CBY3: variants seen among roughly 807,000 people sequenced by gnomAD.
The protein encoded by CBY3 is chibby family member 3, also known as sperm annulus positioning complex subunit Chibby3.
In CBY3, 7 loss-of-function variants were observed where a neutral mutation model predicts 3.0. The observed-to-expected ratio is 2.32, with a 90% CI of 1.32 to 4.35. The LOEUF (loss-of-function observed/expected upper bound fraction) is 4.35, where lower values mean the gene tolerates loss of function less well. Among genes scored for constraint, CBY3 ranks in the 30% most tolerant of loss-of-function variants. The pLI is 0.00. For synonymous variants in CBY3, 170 were observed against 154.5 expected (o/e 1.10, Z -0.74); for missense variants, 400 against 336.4 (o/e 1.19, Z -1.48).
chr5:179,679,070 GC>G lies in CBY3; in HGVS notation c.241del (p.Ala81ProfsTer99), dbSNP rs35217587. 1.3e-6 allele frequency: 2 copies of G among 1,535,448 alleles called. No homozygotes were observed. The highest frequency in any genetic ancestry group is 1.7e-6 in the Non-Finnish European group (2 of 1,146,560). Reference protein sequence around the residue: ...RLWQTLQQFWADHISRPFSPR... With the variant: ...RLWQTLQQFWXDHISRPFSPR... The stretch of plus-strand genomic sequence containing the variant: ...CGAGAAGGGCCGCGAGATGTGATCG[GC>G]CCAAAACTGCTGCAGCGTCTGCCAC... On this transcript the variant is annotated frameshift_variant, in exon 2 of 2. Coordinates refer to ENST00000376974, the MANE Select transcript of CBY3 (RefSeq NM_001164444.2). LOFTEE classifies it low-confidence loss of function (END_TRUNC).
Position 179,678,783 on chromosome 5 carries a change from T to C in CBY3, c.529A>G (p.Asn177Asp). ...AGTTCCTGCTGCAGCTTCAGGTAGT[T>C]GTTCTCCTCCAGCAACACTTGGCTT... ...SKSQVLLEEN[N>D]YLKLQQELLI... Residue 177 changes from asparagine to aspartate, a missense_variant, in exon 2 of 2, where the codon AAC becomes GAC. Coordinates refer to ENST00000376974, the MANE Select transcript of CBY3 (RefSeq NM_001164444.2). 2 of 1,536,940 alleles carry C rather than the reference T, an allele frequency of 1.3e-6. No homozygotes were observed. Among genetic ancestry groups the C allele is most frequent in the Non-Finnish European group, 1.7e-6 (2 of 1,146,764 alleles).
chr5:179,679,506 G>C (rs73338109), intron 1 of CBY3, among the ~76,000 whole-genome samples: 3,779 of 152,262 alleles, frequency 0.025, 153 homozygotes, highest in African/African-American at 0.083. Flanking sequence ...CGGGAGGAGG[G>C]CCTTGTTCTG....
rs1775975512 is a variant in CBY3 at position 179,678,944 on chromosome 5, G to A, written c.368C>T (p.Pro123Leu). The change falls in exon 2 of 2, where the codon CCG becomes CTG. Residue 123 changes from proline to leucine, a missense_variant. Pro to Leu is a moderately conservative substitution (Grantham distance 98, BLOSUM62 -3). Transcript: ENST00000376974. ...GGCCTGGTTGCTGAGGCGCATGCACGGCGCGCCGTAGGCGAGGCCCAGCTC... is the reference window on the plus strand; with the variant it reads ...GGCCTGGTTGCTGAGGCGCATGCACAGCGCGCCGTAGGCGAGGCCCAGCTC... ...QAELGLAYGA[P>L]CMRLSNQAFV... is the part of the protein sequence containing the mutation. The A allele has an allele frequency of 3.9e-6, 6 of 1,535,156 alleles. No individual in the cohort carries two copies. The highest frequency in any genetic ancestry group is 5.2e-6 in the Non-Finnish European group (6 of 1,145,952).
rs1349188129 is a variant in CBY3 at position 179,678,693 on chromosome 5, C to T, written c.619G>A (p.Glu207Lys). 1 of 1,536,820 alleles carries T rather than the reference C, an allele frequency of 6.5e-7. No homozygotes were observed. ...CGCGCCGCAGCCGTCGGGATCACCT[C>T]GGGGTTGCGCTGCTTCTCCAGCAAG... is the stretch of plus-strand genomic sequence containing the variant. ...MHLLEKQRNP[E>K]VIPTAAARAG... Residue 207 changes from glutamate (E) to lysine (K), a missense_variant, in exon 2 of 2, where the codon GAG (glutamate) becomes AAG (lysine). Physicochemically the swap from Glu to Lys is moderately conservative, Grantham distance 56. Coordinates refer to ENST00000376974, the MANE Select transcript of CBY3 (RefSeq NM_001164444.2).
Position 179,678,819 on chromosome 5 carries a change from G to A in CBY3, c.493C>T (p.Gln165Ter), listed in dbSNP as rs768789508. 4 of 1,537,000 alleles carry A rather than the reference G, an allele frequency of 2.6e-6. No individual in the cohort carries two copies. In the South Asian group the frequency reaches 4.8e-5, roughly 18 times the overall value. Residue 165 changes from glutamine to a stop codon, truncating the protein, a stop_gained, in exon 2 of 2, where the codon CAG (glutamine) becomes TAG (stop). Transcript: ENST00000376974. LOFTEE classifies it low-confidence loss of function (END_TRUNC). ...RTAWGWKAQV[Q>*]RSKSQVLLEE... The stretch of plus-strand genomic sequence containing the variant: ...AGCAACACTTGGCTTTTGGACCGCT[G>A]CACCTGCGCCTTCCAGCCCCAGGCG...
At chr5:179,680,294 G>C (rs1776029572) in intron 1 of CBY3, among the ~76,000 whole-genome samples, 1 of 152,126 alleles carries the variant, frequency 6.6e-6, no homozygotes, top group Non-Finnish European at 1.5e-5. Context: ...GAAAGCCGGG[G>C]TTAGATCTGG....
At chr5:179,679,345 G>T in intron 1 of CBY3, 80 bp from the exon 2 acceptor site, 1 of 1,219,128 alleles carries the variant, frequency 8.2e-7, no homozygotes, top group Non-Finnish European at 1.1e-6. Context: ...ACATGTCTTA[G>T]CCCTGCAGCT....
intron 1 of CBY3, among the ~76,000 whole-genome samples, chr5:179,679,746 C>T (rs1392785238): frequency 6.6e-6 from 1 of 152,000 alleles, no homozygotes; most frequent in Non-Finnish European, 1.5e-5. Context: ...GCAACCTCCA[C>T]CTCCCGGGTT....
intron 1 of CBY3, among the ~76,000 whole-genome samples, chr5:179,680,531 G>T (rs767059231): frequency 3.9e-5 from 6 of 152,176 alleles, no homozygotes; most frequent in African/African-American, 1.4e-4. Context: ...ATCCTGGGGT[G>T]TGTGCCATGG....
In CBY3 at chr5:179,678,862, C is replaced by T; in HGVS notation, c.450G>A (p.Ser150=). The stretch of plus-strand genomic sequence containing the variant: ...CCCAGGCGGTCCGCGAGAGCAGCGG[C>T]GACCGCGTCCTCGCCAGCTGGCTCT... The part of the protein sequence containing the change: ...TTESQLARTR[S]PLLSRTAWGW... The change falls in exon 2 of 2, where the codon TCG becomes TCA. Residue 150 remains serine (S), a synonymous_variant. Transcript: ENST00000376974. 3 of 1,536,496 alleles carry T rather than the reference C, an allele frequency of 2.0e-6. No homozygotes were observed. Among genetic ancestry groups the T allele is most frequent in the Non-Finnish European group, 1.7e-6 (2 of 1,146,508 alleles).
At position 179,679,078 on chromosome 5, in the gene CBY3, C is replaced by G. The variant is rs777528778; in HGVS notation, c.234G>C (p.Gln78His). Residue 78 changes from glutamine to histidine, a missense_variant, in exon 2 of 2, where the codon CAG becomes CAC. Physicochemically the swap from Gln to His is conservative, Grantham distance 24. Transcript: ENST00000376974. The stretch of plus-strand genomic sequence containing the variant: ...GCCGCGAGATGTGATCGGCCCAAAA[C>G]TGCTGCAGCGTCTGCCACAGGCGGC... ...HASRLWQTLQ[Q>H]FWADHISRPF... is the part of the protein sequence containing the mutation. 7.8e-6 allele frequency: 12 copies of G among 1,535,574 alleles called. No homozygotes were observed. Among genetic ancestry groups the G allele is most frequent in the African/African-American group, 6.8e-5 (5 of 73,064 alleles).
rs772438184 is a variant in CBY3, at chr5:179,678,664, G to C, written c.648C>G (p.Ala216=). The change falls in exon 2 of 2, where the codon GCC becomes GCG. Residue 216 remains alanine (A), a synonymous_variant. Coordinates refer to ENST00000376974, the MANE Select transcript of CBY3 (RefSeq NM_001164444.2). ...CGCGCTTGCGCATCTTCCTCTGCCC[G>C]GCGCGCGCCGCAGCCGTCGGGATCA... ...PEVIPTAAAR[A]GQRKMRKRAG... is the part of the protein sequence containing the mutation. The C allele has an allele frequency of 4.6e-6, 7 of 1,535,450 alleles. No homozygotes were observed. The highest frequency in any genetic ancestry group is 6.1e-6 in the Non-Finnish European group (7 of 1,145,870).
chr5:179,678,615 T>G lies in CBY3; in HGVS notation c.697A>C (p.Met233Leu), dbSNP rs569095817. 1.6e-5 allele frequency: 24 copies of G among 1,530,416 alleles called. No homozygotes were observed. Among genetic ancestry groups the G allele is most frequent in the Admixed American group, 7.9e-5 (4 of 50,554 alleles). The allele number at this position is 1,530,416 out of a possible 1,614,324, so 94.8% of individuals were successfully genotyped here. ...KRAGASAGVL[M>L]IQPCALDSQ is the part of the protein sequence containing the mutation. ...GAGTCCAGAGCGCACGGCTGGATCA[T>G]GAGCACGCCCGCGCTGGCGCCTGCG... Residue 233 changes from methionine (M) to leucine (L), a missense_variant, in exon 2 of 2, where the codon ATG becomes CTG. Physicochemically the swap from Met to Leu is conservative, Grantham distance 15 (BLOSUM62 2). Coordinates refer to ENST00000376974, the MANE Select transcript of CBY3 (RefSeq NM_001164444.2).
At chr5:179,679,298 T>A in intron 1 of CBY3, 33 bp from the exon 2 acceptor site, 1 of 1,487,398 alleles carries the variant, frequency 6.7e-7, no homozygotes, top group Non-Finnish European at 8.9e-7. Flanking sequence ...AGCAGCGTGC[T>A]TGGTACAGGC....
At position 179,679,217 on chromosome 5, in the gene CBY3, C is replaced by T. The variant is rs1346457126; in HGVS notation, c.95G>A (p.Arg32Lys). Residue 32 changes from arginine (R) to lysine (K), a missense_variant, in exon 2 of 2, where the codon AGA becomes AAA. By Grantham distance (26) the Arg-to-Lys change is conservative (BLOSUM62 2). Transcript: ENST00000376974. ...PSSFWTSGLP[R>K]QERSTSRQRS... ...CTGGCGACTCGTGCTGCGCTCTTGTCTCGGGAGCCCGGATGTCCAGAATGA... is the reference window on the plus strand; with the variant it reads ...CTGGCGACTCGTGCTGCGCTCTTGTTTCGGGAGCCCGGATGTCCAGAATGA... The T allele has an allele frequency of 1.2e-5, 18 of 1,533,750 alleles. No individual in the cohort carries two copies. In the African/African-American group the frequency reaches 1.6e-4, roughly 14 times the overall value.
Position 179,678,600 on chromosome 5 carries a change from C to A in CBY3, c.712G>T (p.Ala238Ser). ...SAGVLMIQPC[A>S]LDSQ ...TTATTGCGTCACTGCGAGTCCAGAGCGCACGGCTGGATCATGAGCACGCCC... is the reference window on the plus strand; with the variant it reads ...TTATTGCGTCACTGCGAGTCCAGAGAGCACGGCTGGATCATGAGCACGCCC... Residue 238 changes from alanine (A) to serine (S), a missense_variant, in exon 2 of 2, where the codon GCT (alanine) becomes TCT (serine). Ala to Ser is a moderately conservative substitution (Grantham distance 99). Transcript: ENST00000376974. 2 of 1,520,796 alleles carry A rather than the reference C, an allele frequency of 1.3e-6. No individual in the cohort carries two copies. The highest frequency in any genetic ancestry group is 1.8e-6 in the Non-Finnish European group (2 of 1,136,646). The allele number at this position is 1,520,796 out of a possible 1,614,324, so 94.2% of individuals were successfully genotyped here.
At position 179,678,840 on chromosome 5, in the gene CBY3, A is replaced by C. The variant is rs370083020; in HGVS notation, c.472T>G (p.Trp158Gly). Residue 158 changes from tryptophan (W) to glycine (G), a missense_variant, in exon 2 of 2, where the codon TGG becomes GGG. Coordinates refer to ENST00000376974, the MANE Select transcript of CBY3 (RefSeq NM_001164444.2). ...TRSPLLSRTA[W>G]GWKAQVQRSK... ...CGCTGCACCTGCGCCTTCCAGCCCC[A>C]GGCGGTCCGCGAGAGCAGCGGCGAC... 23 of 1,536,706 alleles carry C rather than the reference A, an allele frequency of 1.5e-5. No individual in the cohort carries two copies. The highest frequency in any genetic ancestry group is 2.0e-5 in the Non-Finnish European group (23 of 1,146,676).
chr5:179,681,030 G>T lies in CBY3; in HGVS notation c.-112C>A. On this transcript the variant is annotated 5_prime_UTR_variant, in exon 1 of 2. It adds an upstream start codon to the 5' untranslated region. Coordinates refer to ENST00000376974, the MANE Select transcript of CBY3 (RefSeq NM_001164444.2). ...GTGGAGTTGCTGAGCTGCTGTCCCAGGGCTAGTCCCATCTCTGACCCACTC... is the reference window on the plus strand; with the variant it reads ...GTGGAGTTGCTGAGCTGCTGTCCCATGGCTAGTCCCATCTCTGACCCACTC... The T allele has an allele frequency of 1.1e-6, 1 of 941,396 alleles. No individual in the cohort carries two copies. Among genetic ancestry groups the T allele is most frequent in the Non-Finnish European group, 1.6e-6 (1 of 613,220 alleles). The allele number at this position is 941,396 out of a possible 1,614,324, so 58.3% of individuals were successfully genotyped here. A position where few individuals can be genotyped will look rare whatever the true frequency, so the allele number is the denominator to read the frequency against.
rs78613293 is a variant in CBY3, at chr5:179,678,674, G to C, written c.638C>G (p.Ala213Gly). Residue 213 changes from alanine to glycine, a missense_variant, in exon 2 of 2, where the codon GCG becomes GGG. By Grantham distance (60) the Ala-to-Gly change is moderately conservative. Transcript: ENST00000376974. ...QRNPEVIPTA[A>G]ARAGQRKMRK... ...CATCTTCCTCTGCCCGGCGCGCGCC[G>C]CAGCCGTCGGGATCACCTCGGGGTT... is the stretch of plus-strand genomic sequence containing the variant. The C allele has an allele frequency of 0.012, 18,211 of 1,535,612 alleles. 1,697 individuals carry two copies. The African/African-American group carries it at 0.21, about 18-fold the overall frequency.
Sources: allele counts gnomAD v4.1 joint callset (sites outside exome capture counted in the v4.1 genomes callset), GRCh38; gene constraint gnomAD v4.1.1; transcripts MANE v1.5; gene names NCBI Gene and HGNC (gene_info 2026-07-23, HGNC 2026-07-21).